The following APAF1 variants were observed in gnomAD, a reference collection of about 807,000 sequenced individuals.
APAF1 encodes apoptotic protease-activating factor 1.
A neutral mutation model predicts 152.4 loss-of-function variants in APAF1; 91 were observed. That is an observed-to-expected ratio of 0.60 (90% CI 0.50 to 0.71). The LOEUF (loss-of-function observed/expected upper bound fraction) is 0.71. Among genes scored for constraint, APAF1 ranks in the 30% least tolerant of loss-of-function variants. The probability of loss-of-function intolerance (pLI) is 0.00; values close to 1 mark genes in which losing one functional copy is unlikely to be tolerated. For synonymous variants in APAF1, 484 were observed against 494.1 expected, an observed-to-expected ratio of 0.98 and a Z score of 0.27; for missense variants, 1,283 against 1,472.0, an observed-to-expected ratio of 0.87 and a Z score of 2.10.
chr12:98,670,043 C>A (rs2097678129), intron 10 of APAF1, among the ~76,000 whole-genome samples: 1 of 152,046 alleles, frequency 6.6e-6, no homozygotes, highest in African/African-American at 2.4e-5. Flanking sequence ...TTCCTGGGCT[C>A]AGGTGATCCT....
chr12:98,721,504 A>C (rs1406766658), intron 22 of APAF1, among the ~76,000 whole-genome samples: 1 of 152,224 alleles, frequency 6.6e-6, no homozygotes, highest in Admixed American at 6.5e-5. Context: ...AAGGTCTTTT[A>C]TGCTTAGTCA....
chr12:98,698,454 T>G (rs1216970159), intron 16 of APAF1, among the ~76,000 whole-genome samples: 2 of 152,222 alleles, frequency 1.3e-5, no homozygotes, highest in Non-Finnish European at 2.9e-5. Flanking sequence ...CTCTTTAGTA[T>G]CAGGGAAGGC....
intron 22 of APAF1, among the ~76,000 whole-genome samples, chr12:98,721,264 A>G (rs2097742299): frequency 6.6e-6 from 1 of 152,228 alleles, no homozygotes; most frequent in Non-Finnish European, 1.5e-5. Context: ...ATCTGCCCTC[A>G]GTGGTTGTCA....
At position 98,648,627 on chromosome 12, in the gene APAF1, C is replaced by T; in HGVS notation, c.140C>T (p.Pro47Leu). ...ISEEEKVRNE[P>L]TQQQRAAMLI... ...ACTAAACTACTTAATTTTTTTTAGC[C>T]CACTCAACAGCAAAGAGCAGCTATG... The change falls in exon 3 of 27, where the codon CCC becomes CTC. Residue 47 changes from proline (P) to leucine (L), a missense_variant and splice_region_variant. Transcript: ENST00000551964. 3.1e-6 allele frequency: 5 copies of T among 1,612,996 alleles called. No homozygotes were observed. The highest frequency in any genetic ancestry group is 1.7e-4 in the Middle Eastern group (1 of 6,060).
rs1001137603 is a variant in APAF1, at chr12:98,649,386, T to G, written c.329-101T>G. On this transcript the variant is annotated intron_variant, in intron 3 of 26. Transcript: ENST00000551964. ...ATTTTCTTAACTTCTCTTGGAAATT[T>G]TCAGGCTAAGCCTCAGCTTTGCTCT... is the stretch of plus-strand genomic sequence containing the variant. 3 of 1,426,794 alleles carry G rather than the reference T, an allele frequency of 2.1e-6. No individual in the cohort carries two copies. The African/African-American group carries it at 4.3e-5, about 20-fold the overall frequency. The allele number at this position is 1,426,794 out of a possible 1,614,324, so 88.4% of individuals were successfully genotyped here.
intron 22 of APAF1, among the ~76,000 whole-genome samples, chr12:98,721,136 TAAG>T (rs2097742107): frequency 6.6e-6 from 1 of 152,164 alleles, no homozygotes; most frequent in Non-Finnish European, 1.5e-5. Context: ...TTAGTGATAT[TAAG>T]GTTATTCAAT....
At chr12:98,679,406 T>C (rs1593057565) in intron 13 of APAF1, among the ~76,000 whole-genome samples, 1 of 152,304 alleles carries the variant, frequency 6.6e-6, no homozygotes, top group South Asian at 2.1e-4. Flanking sequence ...GCAGGTTTAT[T>C]GAGCTATTTT....
intron 12 of APAF1, among the ~76,000 whole-genome samples, chr12:98,673,387 G>C (rs941710476): frequency 6.8e-6 from 1 of 147,928 alleles, no homozygotes; most frequent in Non-Finnish European, 1.5e-5. Context: ...AGTGAGCCGA[G>C]ATTGTGCCAC....
At chr12:98,663,348 T>C (rs2097667990) in intron 7 of APAF1, among the ~76,000 whole-genome samples, 1 of 152,196 alleles carries the variant, frequency 6.6e-6, no homozygotes, top group Non-Finnish European at 1.5e-5. Flanking sequence ...CTTTGTCATA[T>C]TTTTACAAGT....
intron 14 of APAF1, among the ~76,000 whole-genome samples, chr12:98,682,011 A>T (rs1375169090): frequency 6.7e-6 from 1 of 148,928 alleles, no homozygotes; most frequent in South Asian, 2.1e-4. Context: ...TAGACTGCTT[A>T]GTTGTCTTAC....
chr12:98,715,247 T>TG lies in APAF1; in HGVS notation c.2959-180_2959-179insG, dbSNP rs1436359385. The stretch of plus-strand genomic sequence containing the variant: ...CATACATGGTGTGCATATATATATA[T>TG]ATATATATATATATATATATATATA... On this transcript the variant is annotated intron_variant, in intron 21 of 26. Coordinates refer to ENST00000551964, the MANE Select transcript of APAF1 (RefSeq NM_181861.2). 2.9e-4 allele frequency among the ~76,000 whole-genome samples: 19 copies of TG among 65,926 alleles called. 3 individuals are homozygous for TG. Among genetic ancestry groups the TG allele is most frequent in the Admixed American group, 2.4e-3 (17 of 7,094 alleles). 43.3% of individuals were successfully genotyped at this position (65,926 alleles called of 152,430 possible).
chr12:98,720,031 G>T (rs957932440), intron 22 of APAF1, among the ~76,000 whole-genome samples: 1 of 152,176 alleles, frequency 6.6e-6, no homozygotes, highest in South Asian at 2.1e-4. Context: ...TGTTCTAGCT[G>T]TAAAACTCAG....
intron 16 of APAF1, among the ~76,000 whole-genome samples, chr12:98,695,134 C>T (rs2097708386): frequency 6.6e-6 from 1 of 151,966 alleles, no homozygotes; most frequent in Non-Finnish European, 1.5e-5. Context: ...CTCACCACAA[C>T]CTCTGCCTTT....
intron 22 of APAF1, among the ~76,000 whole-genome samples, chr12:98,719,031 G>A (rs879657104): frequency 7.2e-5 from 11 of 152,024 alleles, no homozygotes; most frequent in Admixed American, 5.2e-4. Context: ...CCTTATCCTC[G>A]TTCTACTCCA....
chr12:98,685,254 G>T (rs1391114035), intron 15 of APAF1, among the ~76,000 whole-genome samples: 1 of 151,806 alleles, frequency 6.6e-6, no homozygotes, highest in Non-Finnish European at 1.5e-5. Flanking sequence ...AAAGAGAGGA[G>T]ATATAATATA....
intron 5 of APAF1, among the ~76,000 whole-genome samples, chr12:98,662,122 C>T (rs1456041556): frequency 6.7e-6 from 1 of 148,218 alleles, no homozygotes; most frequent in Admixed American, 6.7e-5. Flanking sequence ...GTTGGAAAAT[C>T]CCATTACTTG....
intron 21 of APAF1, among the ~76,000 whole-genome samples, 192 bp from the exon 22 acceptor site, chr12:98,715,235 C>CATATATACATAT (rs2097732902): frequency 1.8e-5 from 1 of 54,774 alleles, no homozygotes; most frequent in Non-Finnish European, 3.5e-5. Flanking sequence ...ACATGGTGTG[C>CATATATACATAT]ATATATATAT....
chr12:98,661,789 T>C lies in APAF1; in HGVS notation c.711-667T>C, dbSNP rs1285982968. Among the ~76,000 whole-genome samples the C allele has an allele frequency of 3.3e-5, 5 of 152,076 alleles. No homozygotes were observed. The East Asian group carries it at 9.6e-4, about 29-fold the overall frequency. On this transcript the variant is annotated intron_variant, in intron 5 of 26. Coordinates refer to ENST00000551964, the MANE Select transcript of APAF1 (RefSeq NM_181861.2). ...TTTTGTAATGCACAGCCATAGTGTGTCATTCAGACAAAAATGTTATTGTAT... is the reference window on the plus strand; with the variant it reads ...TTTTGTAATGCACAGCCATAGTGTGCCATTCAGACAAAAATGTTATTGTAT...
chr12:98,697,928 T>A (rs1020275803), intron 16 of APAF1, among the ~76,000 whole-genome samples: 4 of 152,182 alleles, frequency 2.6e-5, no homozygotes, highest in African/African-American at 9.7e-5. Flanking sequence ...TGTTTTAAAA[T>A]GTGAGTTCTA....
Sources: allele counts gnomAD v4.1 joint callset (sites outside exome capture counted in the v4.1 genomes callset), GRCh38; gene constraint gnomAD v4.1.1; transcripts MANE v1.5; gene names NCBI Gene and HGNC (gene_info 2026-07-23, HGNC 2026-07-21).